Variants in ARHGAP23 observed in about 807,000 individuals in gnomAD.
The protein encoded by ARHGAP23 is Rho GTPase activating protein 23.
In ARHGAP23, 34 loss-of-function variants were observed where a neutral mutation model predicts 136.3. That is an observed-to-expected ratio of 0.25 (90% CI 0.19 to 0.33). ARHGAP23 has a LOEUF of 0.33. Among genes scored for constraint, ARHGAP23 ranks in the 10% least tolerant of loss-of-function variants. The pLI, the probability that ARHGAP23 is intolerant of heterozygous loss-of-function variation, is 1.00. For missense variants in ARHGAP23, 1,808 were observed against 2,139.0 expected (o/e 0.85, Z 3.05); for synonymous variants, 832 against 920.5 (o/e 0.90, Z 1.74).
chr17:38,497,055 T>A (rs1294424657), intron 20 of ARHGAP23, among the ~76,000 whole-genome samples: 2 of 152,224 alleles, frequency 1.3e-5, no homozygotes, highest in Non-Finnish European at 2.9e-5. Context: ...ACTTACTTTC[T>A]TGTCTTCTTG....
At chr17:38,452,993 ACT>A (rs2039213985) in intron 1 of ARHGAP23, among the ~76,000 whole-genome samples, 1 of 151,980 alleles carries the variant, frequency 6.6e-6, no homozygotes, top group Non-Finnish European at 1.5e-5. Context: ...TGTGGCTGTC[ACT>A]CTGTGCAGGG....
chr17:38,474,692 A>C (rs1331212689), intron 11 of ARHGAP23, among the ~76,000 whole-genome samples: 1 of 152,140 alleles, frequency 6.6e-6, no homozygotes, highest in African/African-American at 2.4e-5. Flanking sequence ...CCGACGAGTT[A>C]CCTGTGCCTC....
intron 23 of ARHGAP23, among the ~76,000 whole-genome samples, chr17:38,506,146 T>G (rs2040630394): frequency 6.6e-6 from 1 of 152,248 alleles, no homozygotes; most frequent in Admixed American, 6.5e-5. Flanking sequence ...CGCTGATTCC[T>G]AAGTTTAAAG....
At position 38,511,019 on chromosome 17, in the gene ARHGAP23, T is replaced by G; in HGVS notation, c.*47T>G. 1 of 1,383,346 alleles carries G rather than the reference T, an allele frequency of 7.2e-7. No homozygotes were observed. The highest frequency in any genetic ancestry group is 2.6e-4 in the Middle Eastern group (1 of 3,790). 85.7% of individuals were successfully genotyped at this position (1,383,346 alleles called of 1,614,324 possible). A position where few individuals can be genotyped will look rare whatever the true frequency, so the allele number is the denominator to read the frequency against. Reference sequence around the variant, plus strand: ...GGGCGCCACCCCTCCCTAGAGCCCCTTTGGAACCAGGAGGCTTCACCAGCC... The same window carrying G: ...GGGCGCCACCCCTCCCTAGAGCCCCGTTGGAACCAGGAGGCTTCACCAGCC... On this transcript the variant is annotated 3_prime_UTR_variant, in exon 24 of 24. Coordinates refer to ENST00000622683, the MANE Select transcript of ARHGAP23 (RefSeq NM_001199417.2).
chr17:38,453,415 ATGCG>A (rs879895319), intron 1 of ARHGAP23, among the ~76,000 whole-genome samples: 1,934 of 89,444 alleles, frequency 0.022, 24 homozygotes, highest in Middle Eastern at 0.029. Context: ...GCGCGCGCGT[ATGCG>A]TGCGTGTGTG....
At chr17:38,494,365 C>T (rs1211931997) in intron 20 of ARHGAP23, among the ~76,000 whole-genome samples, 1 of 152,190 alleles carries the variant, frequency 6.6e-6, no homozygotes, top group Non-Finnish European at 1.5e-5. Flanking sequence ...TCGTCGTGGT[C>T]ATTATTCCAC....
intron 11 of ARHGAP23, among the ~76,000 whole-genome samples, chr17:38,473,767 C>T (rs1279835921): frequency 6.6e-6 from 1 of 151,920 alleles, no homozygotes; most frequent in African/African-American, 2.4e-5. Flanking sequence ...AGTGGAGGGG[C>T]CTGACAGGGA....
At chr17:38,454,149 C>G (rs1356017980) in intron 1 of ARHGAP23, 1 of 150,826 alleles carries the variant, frequency 6.6e-6, no homozygotes, top group African/African-American at 2.5e-5. Flanking sequence ...GGGTGAGAGC[C>G]GCGGGGCCGG....
chr17:38,497,905 G>T (rs183912066), intron 21 of ARHGAP23, 79 bp downstream of exon 21: 1 of 1,445,258 alleles, frequency 6.9e-7, no homozygotes, highest in African/African-American at 1.4e-5. Flanking sequence ...GGCAGGCAGC[G>T]GGACTTAAGC....
At position 38,452,793 on chromosome 17, in the gene ARHGAP23, C is replaced by T. The variant is rs149439637; in HGVS notation, c.64-5309C>T. The stretch of plus-strand genomic sequence containing the variant: ...CTGGGAAGAGCAAGAGCCAGGAAGG[C>T]GAGCAGGGCAGGGGCTAGCACAACA... On this transcript the variant is annotated intron_variant, in intron 1 of 23. Transcript: ENST00000622683. Among the ~76,000 whole-genome samples the T allele has an allele frequency of 2.2e-3, 339 of 152,290 alleles. 1 individual carries two copies. Among genetic ancestry groups the T allele is most frequent in the African/African-American group, 8.0e-3 (331 of 41,558 alleles).
At chr17:38,456,147 G>A (rs1567789555) in intron 1 of ARHGAP23, among the ~76,000 whole-genome samples, 1 of 152,296 alleles carries the variant, frequency 6.6e-6, no homozygotes, top group East Asian at 1.9e-4. Flanking sequence ...GTCCCCTGGG[G>A]CTGTATGAAG....
intron 1 of ARHGAP23, among the ~76,000 whole-genome samples, chr17:38,428,864 A>G (rs1235716494): frequency 6.6e-6 from 1 of 151,230 alleles, no homozygotes; most frequent in Non-Finnish European, 1.5e-5. Flanking sequence ...CGGGGGCGGG[A>G]GGCCCGCGGC....
At chr17:38,496,145 G>T (rs184474357) in intron 20 of ARHGAP23, among the ~76,000 whole-genome samples, 1 of 152,166 alleles carries the variant, frequency 6.6e-6, no homozygotes, top group East Asian at 1.9e-4. Context: ...TGATCCGCCC[G>T]CCTCAGCCTC....
chr17:38,466,196 G>T lies in ARHGAP23; in HGVS notation c.513G>T (p.Gly171=). 2 of 1,518,216 alleles carry T rather than the reference G, an allele frequency of 1.3e-6. No individual in the cohort carries two copies. The highest frequency in any genetic ancestry group is 1.8e-6 in the Non-Finnish European group (2 of 1,127,452). 94.0% of individuals were successfully genotyped at this position (1,518,216 alleles called of 1,614,324 possible). A position where few individuals can be genotyped will look rare whatever the true frequency, so the allele number is the denominator to read the frequency against. The change falls in exon 7 of 24, where the codon GGG becomes GGT. Residue 171 remains glycine (G), a synonymous_variant. Transcript: ENST00000622683. ...LAYSQDAYLK[G]NEPYSGEARS... ...ACTCCCAGGATGCCTACCTGAAAGG[G>T]AACGAGCCGTATTCTGGAGAGGCCC...
chr17:38,481,747 T>C (rs11079010), intron 14 of ARHGAP23, among the ~76,000 whole-genome samples: 133,181 of 152,128 alleles, frequency 0.88, 58,429 homozygotes, highest in Admixed American at 0.92. Context: ...CGACAGAGAC[T>C]CTATCTCTAA....
intron 1 of ARHGAP23, among the ~76,000 whole-genome samples, chr17:38,436,396 C>CA (rs67999491): frequency 0.33 from 49,674 of 151,372 alleles, 9,011 homozygotes; most frequent in Middle Eastern, 0.46. Flanking sequence ...CCTACCCCCC[C>CA]AAAAAAAACG....
intron 1 of ARHGAP23, chr17:38,457,615 G>C (rs893015954): frequency 5.6e-6 from 1 of 177,830 alleles, no homozygotes; most frequent in African/African-American, 2.4e-5. Flanking sequence ...TATGTTTGTG[G>C]TATGTTCCGT....
chr17:38,474,624 C>T (rs1269819941), intron 11 of ARHGAP23, among the ~76,000 whole-genome samples: 2 of 152,250 alleles, frequency 1.3e-5, no homozygotes, highest in Admixed American at 6.5e-5. Flanking sequence ...GGGACAGAGG[C>T]TCTGAGGGCG....
chr17:38,481,138 G>A (rs948499817), intron 14 of ARHGAP23, among the ~76,000 whole-genome samples: 6 of 151,836 alleles, frequency 4.0e-5, no homozygotes, highest in African/African-American at 1.5e-4. Flanking sequence ...ACCACGCCCG[G>A]CTAATTTTTT....
Sources: gnomAD v4.1 joint callset for allele counts (sites outside exome capture counted in the v4.1 genomes callset) on GRCh38, gnomAD v4.1.1 for gene constraint, MANE v1.5 for transcripts, NCBI Gene and HGNC (gene_info 2026-07-23, HGNC 2026-07-21) for gene names.